TTC22: variants seen among roughly 807,000 people sequenced by gnomAD.
TTC22 encodes tetratricopeptide repeat domain 22, also known as tetratricopeptide repeat protein 22.
Under a neutral mutation model 48.2 loss-of-function variants are expected in TTC22, and 42 were observed. The ratio of observed to expected loss-of-function variants is 0.87; its 90% CI spans 0.68 to 1.13. The LOEUF is 1.13. TTC22 is among the 50% of genes most tolerant of loss of function. The pLI is 0.00. For missense variants in TTC22, 784 were observed against 807.0 expected (o/e 0.97, Z 0.34); for synonymous variants, 345 against 365.5 (o/e 0.94, Z 0.64).
At position 54,789,187 on chromosome 1, in the gene TTC22, C is replaced by T. The variant is rs963524855; in HGVS notation, c.568-1090G>A. On this transcript the variant is annotated intron_variant, in intron 1 of 6. Transcript: ENST00000371276. ...GCCTCCAAAGCCCATGCTTGCTTCC[C>T]CACACTGGGTTGCCAATAGCTGTGG... Among the ~76,000 whole-genome samples the T allele has an allele frequency of 1.3e-5, 2 of 152,244 alleles. 1 individual carries two copies. The highest frequency in any genetic ancestry group is 3.8e-4 in the East Asian group (2 of 5,198).
At chr1:54,781,848 T>C in intron 6 of TTC22, 69 bp from the exon 7 acceptor site, 1 of 1,346,622 alleles carries the variant, frequency 7.4e-7, no homozygotes, top group South Asian at 1.7e-5. Flanking sequence ...CGCCCCACGC[T>C]TGCTTTAAAA....
chr1:54,793,632 TCA>T (rs1267542410), intron 1 of TTC22, among the ~76,000 whole-genome samples: 1 of 152,170 alleles, frequency 6.6e-6, no homozygotes, highest in Non-Finnish European at 1.5e-5. Flanking sequence ...GATGCTATCT[TCA>T]CAGTCACATG....
intron 1 of TTC22, among the ~76,000 whole-genome samples, chr1:54,791,169 C>T (rs1363590941): frequency 6.6e-6 from 1 of 152,196 alleles, no homozygotes; most frequent in Non-Finnish European, 1.5e-5. Context: ...CCCCTGGCTG[C>T]TTCTATGTGA....
At position 54,801,201 on chromosome 1, in the gene TTC22, C is replaced by T. The variant is rs772483554; in HGVS notation, c.-38G>A. On this transcript the variant is annotated 5_prime_UTR_variant, in exon 1 of 7. Transcript: ENST00000371276. ...TGCTCCCCTGGCCTCACCCTTGTCC[C>T]TGAGGCTGTGGAGGGCAGTGGATGG... The T allele has an allele frequency of 1.3e-6, 2 of 1,595,242 alleles. No individual in the cohort carries two copies. Among genetic ancestry groups the T allele is most frequent in the African/African-American group, 1.3e-5 (1 of 74,502 alleles).
chr1:54,800,163 C>T (rs2101477306), intron 1 of TTC22, among the ~76,000 whole-genome samples: 1 of 152,280 alleles, frequency 6.6e-6, no homozygotes, highest in South Asian at 2.1e-4. Context: ...TGTGCGGAGC[C>T]TTTGTGAAGG....
Position 54,800,660 on chromosome 1 carries a change from C to T in TTC22, c.504G>A (p.Glu168=). The change falls in exon 1 of 7, where the codon GAG becomes GAA. Residue 168 remains glutamate (E), a synonymous_variant. Coordinates refer to ENST00000371276, the MANE Select transcript of TTC22 (RefSeq NM_001114108.2). ...TGCCTGCCGCCAGCCCCCGCGCACGCTCCTCTGGGCTGGCGCAGCCGACGT... is the reference window on the plus strand; with the variant it reads ...TGCCTGCCGCCAGCCCCCGCGCACGTTCCTCTGGGCTGGCGCAGCCGACGT... The part of the protein sequence containing the change: ...GFDVGCASPE[E]RARGLAAGIA... 6.4e-7 allele frequency: 1 copy of T among 1,552,646 alleles called. No individual in the cohort carries two copies. Among genetic ancestry groups the T allele is most frequent in the Non-Finnish European group, 8.6e-7 (1 of 1,160,120 alleles).
intron 1 of TTC22, among the ~76,000 whole-genome samples, chr1:54,791,757 C>G (rs1229518881): frequency 6.6e-6 from 1 of 152,116 alleles, no homozygotes; most frequent in African/African-American, 2.4e-5. Flanking sequence ...GTCCTCAGGG[C>G]TCTCCCAGCC....
At chr1:54,786,702 TGAAGGTCTCAAGGG>T (rs938881296) in intron 4 of TTC22, 22 of 370,380 alleles carry the variant, frequency 5.9e-5, no homozygotes, top group Non-Finnish European at 1.0e-4. Flanking sequence ...ATACTGTGAA[TGAAGGTCTCAAGGG>T]AAAAAGTCTA....
Position 54,782,291 on chromosome 1 carries a change from C to T in TTC22, c.1173+34G>A, listed in dbSNP as rs1646268775. The T allele has an allele frequency of 4.7e-6, 7 of 1,491,190 alleles. No homozygotes were observed. The Admixed American group carries it at 7.0e-5, about 15-fold the overall frequency. 92.4% of individuals were successfully genotyped at this position (1,491,190 alleles called of 1,614,324 possible). A position where few individuals can be genotyped will look rare whatever the true frequency, so the allele number is the denominator to read the frequency against. ...CTGGCAAGGAGTAAACAGATTCTTG[C>T]TCAGCTATTGGCTAAGCCAAGAGAC... is the stretch of plus-strand genomic sequence containing the variant. On this transcript the variant is annotated intron_variant, in intron 6 of 6. Transcript: ENST00000371276.
At chr1:54,787,641 T>C in intron 3 of TTC22, 70 bp downstream of exon 3, 1 of 1,115,698 alleles carries the variant, frequency 9.0e-7, no homozygotes, top group Non-Finnish European at 1.3e-6. Context: ...ATGCCAGAGG[T>C]GGATGCAATG....
In TTC22 at chr1:54,782,380, A is replaced by C. The variant is rs1225449793; in HGVS notation, c.1118T>G (p.Leu373Arg). 6.4e-7 allele frequency: 1 copy of C among 1,551,232 alleles called. No individual in the cohort carries two copies. ...RNHLACAKAD[L>R]EEVVRVCPGF... ...TGGGCACACCCTGACCACTTCCTCA[A>C]GGTCAGCCTTGGCACAGGCCAGGTG... The change falls in exon 6 of 7, where the codon CTT becomes CGT. Residue 373 changes from leucine to arginine, a missense_variant. Coordinates refer to ENST00000371276, the MANE Select transcript of TTC22 (RefSeq NM_001114108.2).
rs1188061588 is a variant in TTC22 at position 54,800,998 on chromosome 1, C to T, written c.166G>A (p.Glu56Lys). The change falls in exon 1 of 7, where the codon GAG (glutamate) becomes AAG (lysine). Residue 56 changes from glutamate to lysine, a missense_variant. Physicochemically the swap from Glu to Lys is moderately conservative, Grantham distance 56. Coordinates refer to ENST00000371276, the MANE Select transcript of TTC22 (RefSeq NM_001114108.2). ...LKLQREGLRQELQLAAAPQRP... is the reference protein window; with the variant it reads ...LKLQREGLRQKLQLAAAPQRP... Reference sequence around the variant, plus strand: ...TGCGGGGCGGCCGCCAGCTGGAGCTCCTGCCGCAGACCCTCCCGCTGCAGC... The same window carrying T: ...TGCGGGGCGGCCGCCAGCTGGAGCTTCTGCCGCAGACCCTCCCGCTGCAGC... The T allele has an allele frequency of 3.1e-6, 5 of 1,607,592 alleles. No individual in the cohort carries two copies. Among genetic ancestry groups the T allele is most frequent in the Non-Finnish European group, 3.4e-6 (4 of 1,178,216 alleles).
At chr1:54,786,195 G>A (rs761345449) in intron 4 of TTC22, 51 bp from the exon 5 acceptor site, 2 of 1,579,168 alleles carry the variant, frequency 1.3e-6, no homozygotes, top group Admixed American at 3.4e-5. Context: ...TCATTAGCCA[G>A]AGCTGGCTAA....
chr1:54,788,088 C>T lies in TTC22; in HGVS notation c.577G>A (p.Glu193Lys). The T allele has an allele frequency of 6.2e-7, 1 of 1,614,052 alleles. No individual in the cohort carries two copies. The part of the protein sequence containing the change: ...ALGYGQQIPM[E>K]EKRGWYFTMA... Reference sequence around the variant, plus strand: ...GTGAAATACCAGCCCCTTTTCTCCTCCATCGGGATCTAGGGAAACAGAGAA... The same window carrying T: ...GTGAAATACCAGCCCCTTTTCTCCTTCATCGGGATCTAGGGAAACAGAGAA... The change falls in exon 2 of 7, where the codon GAG becomes AAG. Residue 193 changes from glutamate (E) to lysine (K), a missense_variant. Physicochemically the swap from Glu to Lys is moderately conservative, Grantham distance 56 (BLOSUM62 1). Coordinates refer to ENST00000371276, the MANE Select transcript of TTC22 (RefSeq NM_001114108.2).
chr1:54,800,230 G>C (rs988712721), intron 1 of TTC22, among the ~76,000 whole-genome samples: 13 of 152,218 alleles, frequency 8.5e-5, no homozygotes, highest in African/African-American at 3.1e-4. Context: ...GAAGAGGTGG[G>C]AATGTGCCCA....
At chr1:54,786,933 G>A (rs1263568976) in intron 4 of TTC22, 24 bp downstream of exon 4, 5 of 1,260,728 alleles carry the variant, frequency 4.0e-6, no homozygotes, top group South Asian at 1.5e-5. Flanking sequence ...AGTTTAGAGG[G>A]TGGGTGTGGC....
Position 54,781,280 on chromosome 1 carries a change from G to A in TTC22, c.1673C>T (p.Ala558Val). ...AGCCCGGCGGTCCCGCGGCGCGCTGGCGCCCTCGCCCTCGCGCTCCATGGT... is the reference window on the plus strand; with the variant it reads ...AGCCCGGCGGTCCCGCGGCGCGCTGACGCCCTCGCCCTCGCGCTCCATGGT... ...FETMEREGEG[A>V]SAPRDRRAVS... The change falls in exon 7 of 7, where the codon GCC (alanine) becomes GTC (valine). Residue 558 changes from alanine (A) to valine (V), a missense_variant. Coordinates refer to ENST00000371276, the MANE Select transcript of TTC22 (RefSeq NM_001114108.2). The A allele has an allele frequency of 6.8e-7, 1 of 1,477,832 alleles. No homozygotes were observed. Among genetic ancestry groups the A allele is most frequent in the East Asian group, 2.9e-5 (1 of 33,958 alleles). The allele number at this position is 1,477,832 out of a possible 1,614,324, so 91.5% of individuals were successfully genotyped here.
intron 5 of TTC22, among the ~76,000 whole-genome samples, chr1:54,783,563 C>T (rs1186099836): frequency 6.6e-6 from 1 of 152,126 alleles, no homozygotes; most frequent in Non-Finnish European, 1.5e-5. Flanking sequence ...GACAACAAAA[C>T]CACAAAAATC....
chr1:54,796,939 A>G (rs950153029), intron 1 of TTC22, among the ~76,000 whole-genome samples: 6 of 152,160 alleles, frequency 3.9e-5, no homozygotes, highest in African/African-American at 1.4e-4. Context: ...GGGGTAAGCC[A>G]GAGGTTGGGA....
Sources: allele counts gnomAD v4.1 joint callset (sites outside exome capture counted in the v4.1 genomes callset), GRCh38; gene constraint gnomAD v4.1.1; transcripts MANE v1.5; gene names NCBI Gene and HGNC (gene_info 2026-07-23, HGNC 2026-07-21).